The following ASNS variants were observed in gnomAD, a reference collection of about 807,000 sequenced individuals.
ASNS encodes the protein asparagine synthetase (glutamine-hydrolyzing).
Under a neutral mutation model 62.6 loss-of-function variants are expected in ASNS, and 37 were observed. The ratio of observed to expected loss-of-function variants is 0.59; its 90% confidence interval spans 0.45 to 0.78. The LOEUF is 0.78. Among genes scored for constraint, ASNS ranks in the 30% least tolerant of loss-of-function variants. ASNS has a pLI of 0.00. For missense variants in ASNS, 520 were observed against 682.4 expected (o/e 0.76, Z 2.65); for synonymous variants, 207 against 237.9 (o/e 0.87, Z 1.19).
At chr7:97,894,660 C>G in the ASNS span, among the ~76,000 whole-genome samples, 6 of 151,916 alleles carry the variant, frequency 3.9e-5, no homozygotes, top group Non-Finnish European at 7.4e-5. Context: ...CACAGCCTAC[C>G]AAGATTGAAC....
At chr7:97,927,071 CTTTTTT>C in the ASNS span, among the ~76,000 whole-genome samples, 55 of 40,514 alleles carry the variant, frequency 1.4e-3, no homozygotes, top group African/African-American at 3.7e-3. Context: ...CCACACCTGG[CTTTTTT>C]TTTTTTTTTT....
the ASNS span, among the ~76,000 whole-genome samples, chr7:97,924,152 G>C: frequency 6.6e-6 from 1 of 152,054 alleles, no homozygotes; most frequent in East Asian, 1.9e-4. Context: ...AGTACTCCCA[G>C]CACAGTAAGA....
the ASNS span, among the ~76,000 whole-genome samples, chr7:97,926,741 C>T: frequency 1.3e-5 from 2 of 152,240 alleles, no homozygotes; most frequent in African/African-American, 4.8e-5. Flanking sequence ...TGTTCAGTTC[C>T]TCCATCATCC....
chr7:97,925,629 G>A, the ASNS span, among the ~76,000 whole-genome samples: 1 of 152,182 alleles, frequency 6.6e-6, no homozygotes, highest in Non-Finnish European at 1.5e-5. Flanking sequence ...AGCAAGAAGG[G>A]AAAATACCTG....
At position 97,859,621 on chromosome 7, in the gene ASNS, C is replaced by T. The variant is rs544002218; in HGVS notation, c.488-223G>A. On this transcript the variant is annotated intron_variant, in intron 4 of 12. Coordinates refer to ENST00000394308, the MANE Select transcript of ASNS (RefSeq NM_001673.5). ...GGGATATACTGCCAAATTACACTAA[C>T]TTTTCGTAATTCAAAGAAATAGAAA... is the stretch of plus-strand genomic sequence containing the variant. Among the ~76,000 whole-genome samples, 11 of 152,320 alleles carry T rather than the reference C, an allele frequency of 7.2e-5. No individual in the cohort carries two copies. In the South Asian group the frequency reaches 2.3e-3, roughly 32 times the overall value.
the ASNS span, among the ~76,000 whole-genome samples, chr7:97,896,919 A>C: frequency 6.6e-6 from 1 of 151,018 alleles, no homozygotes; most frequent in African/African-American, 2.4e-5. Context: ...CATTGAATAA[A>C]GGACACCCCA....
At chr7:97,889,442 G>A in the ASNS span, among the ~76,000 whole-genome samples, 40 of 152,214 alleles carry the variant, frequency 2.6e-4, no homozygotes, top group East Asian at 5.8e-3. Flanking sequence ...GCTTGAACCC[G>A]GGAGGCAGAG....
At chr7:97,874,195 A>G (rs933238077), upstream of ASNS, among the ~76,000 whole-genome samples, 4 of 152,224 alleles carry the variant, frequency 2.6e-5, no homozygotes, top group Admixed American at 6.5e-5. Context: ...ATGCTGAGAA[A>G]AGGAATTCAG....
chr7:97,896,729 C>CAT, the ASNS span, among the ~76,000 whole-genome samples: 1 of 29,902 alleles, frequency 3.3e-5, no homozygotes, highest in African/African-American at 9.0e-5. Flanking sequence ...CACACACACA[C>CAT]ACACACACAC....
intron 7 of ASNS, among the ~76,000 whole-genome samples, chr7:97,857,510 G>C (rs1791502207): frequency 6.7e-6 from 1 of 150,020 alleles, no homozygotes; most frequent in Non-Finnish European, 1.5e-5. Flanking sequence ...TTTCCCCATA[G>C]CAGACACTAT....
the ASNS span, among the ~76,000 whole-genome samples, chr7:97,904,284 T>TCA: frequency 0.079 from 10,659 of 135,064 alleles, 538 homozygotes; most frequent in African/African-American, 0.13. Flanking sequence ...ACTACCAGTT[T>TCA]CACACACACA....
intron 3 of ASNS, among the ~76,000 whole-genome samples, chr7:97,868,243 G>A (rs77190363): frequency 1.3e-5 from 2 of 152,126 alleles, no homozygotes. Flanking sequence ...GGGAGGCAGA[G>A]GTTGCAGTAA....
chr7:97,856,400 A>G (rs1791436855), intron 8 of ASNS, among the ~76,000 whole-genome samples: 1 of 152,212 alleles, frequency 6.6e-6, no homozygotes, highest in Non-Finnish European at 1.5e-5. Context: ...CCAAGAAACT[A>G]TAAGAGAAAT....
At chr7:97,868,825 A>T (rs141000130) in intron 3 of ASNS, 83 bp downstream of exon 3, 4 of 1,562,870 alleles carry the variant, frequency 2.6e-6, no homozygotes, top group Non-Finnish European at 3.5e-6. Flanking sequence ...AGGAAAAAGC[A>T]TGATACAGAA....
chr7:97,925,837 A>G, the ASNS span, among the ~76,000 whole-genome samples: 2 of 152,106 alleles, frequency 1.3e-5, no homozygotes, highest in East Asian at 3.9e-4. Flanking sequence ...GGCTGAGCAA[A>G]TGGTTGAGGT....
At chr7:97,896,741 C>CACACACACAT in the ASNS span, among the ~76,000 whole-genome samples, 5 of 19,778 alleles carry the variant, frequency 2.5e-4, no homozygotes, top group African/African-American at 5.5e-4. Flanking sequence ...CACACACACA[C>CACACACACAT]ATATATATAT....
Position 97,853,047 on chromosome 7 carries a change from A to G in ASNS, c.1476+13T>C. ...CTGTCTTATTCCTGAAAATGTTTTT[A>G]AAGACATTATACCTGATGTTCAACG... On this transcript the variant is annotated intron_variant, in intron 12 of 12. Transcript: ENST00000394308. The G allele has an allele frequency of 6.5e-7, 1 of 1,532,068 alleles. No homozygotes were observed. Among genetic ancestry groups the G allele is most frequent in the Non-Finnish European group, 8.8e-7 (1 of 1,142,456 alleles). 94.9% of individuals were successfully genotyped at this position (1,532,068 alleles called of 1,614,324 possible).
the ASNS span, among the ~76,000 whole-genome samples, chr7:97,883,742 C>T: frequency 6.6e-6 from 1 of 152,124 alleles, no homozygotes; most frequent in Non-Finnish European, 1.5e-5. Flanking sequence ...AATCCCAGCA[C>T]TTTGGGAGGC....
chr7:97,899,021 T>G, the ASNS span: 1 of 703,592 alleles, frequency 1.4e-6, no homozygotes, highest in African/African-American at 1.8e-5. Flanking sequence ...GGAGGTGCTT[T>G]CACATCATAC....
Sources: allele counts gnomAD v4.1 joint callset (sites outside exome capture counted in the v4.1 genomes callset), GRCh38; gene constraint gnomAD v4.1.1; transcripts MANE v1.5; gene names NCBI Gene and HGNC (gene_info 2026-07-23, HGNC 2026-07-21).